HECTD4: variants seen among roughly 807,000 people sequenced by gnomAD.
HECTD4 encodes HECT domain E3 ubiquitin protein ligase 4.
HECTD4 carries 114 observed loss-of-function variants against 471.5 expected under a neutral mutation model. That is an observed-to-expected ratio of 0.24 (90% confidence interval 0.21 to 0.28). HECTD4 has a LOEUF of 0.28. Ranked by LOEUF, HECTD4 falls within the 10% of genes least tolerant of loss-of-function variation. HECTD4 has a pLI of 1.00. For missense variants in HECTD4, 3,866 were observed against 5,651.5 expected, an observed-to-expected ratio of 0.68 and a Z score of 10.13; for synonymous variants, 2,012 against 2,256.0, an observed-to-expected ratio of 0.89 and a Z score of 3.07.
At position 112,252,482 on chromosome 12, in the gene HECTD4, C is replaced by T. The variant is rs2135590941; in HGVS notation, c.3494G>A (p.Arg1165His). The T allele has an allele frequency of 1.2e-6, 2 of 1,612,956 alleles. No individual in the cohort carries two copies. The highest frequency in any genetic ancestry group is 1.7e-6 in the Non-Finnish European group (2 of 1,179,448). The change falls in exon 23 of 76, where the codon CGT becomes CAT. Residue 1165 changes from arginine to histidine, a missense_variant. Physicochemically the swap from Arg to His is conservative, Grantham distance 29. Transcript: ENST00000682272. ...VTFSFEMRSG[R>H]EHNTPDKAMW... Reference sequence around the variant, plus strand: ...GGCTTTATCAGGAGTGTTGTGTTCACGGCCACTTCTCATTTCAAAGGAGAA... The same window carrying T: ...GGCTTTATCAGGAGTGTTGTGTTCATGGCCACTTCTCATTTCAAAGGAGAA...
In HECTD4 at chr12:112,170,416, T is replaced by G. The variant is rs2031166631; in HGVS notation, c.11969A>C (p.Asn3990Thr). 1 of 1,613,782 alleles carries G rather than the reference T, an allele frequency of 6.2e-7. No homozygotes were observed. Among genetic ancestry groups the G allele is most frequent in the Admixed American group, 1.7e-5 (1 of 59,996 alleles). ...CTGCACAGTGGCATTCAGCACTCGA[T>G]TCATCACGGTCACCTTCGTGTCATA... ...IFYDTKVTVM[N>T]RVLNATVQRT... Residue 3990 changes from asparagine (N) to threonine (T), a missense_variant, in exon 69 of 76, where the codon AAT becomes ACT. Coordinates refer to ENST00000682272, the MANE Select transcript of HECTD4 (RefSeq NM_001388303.1).
Position 112,164,637 on chromosome 12 carries a change from T to C in HECTD4, c.12535-362A>G, listed in dbSNP as rs78614777. Among the ~76,000 whole-genome samples, 3 of 151,894 alleles carry C rather than the reference T, an allele frequency of 2.0e-5. 1 individual carries two copies. The highest frequency in any genetic ancestry group is 4.4e-5 in the Non-Finnish European group (3 of 67,950). On this transcript the variant is annotated intron_variant, in intron 72 of 75. Coordinates refer to ENST00000682272, the MANE Select transcript of HECTD4 (RefSeq NM_001388303.1). ...AATTATGCTTGCTTTTTTTTTTTTT[T>C]GAGACGGAGTTTTGCTCTTGTTGCC...
intron 35 of HECTD4, among the ~76,000 whole-genome samples, chr12:112,236,629 C>T (rs185793738): frequency 2.6e-5 from 4 of 152,062 alleles, no homozygotes; most frequent in African/African-American, 7.2e-5. Context: ...AATCTTGCTA[C>T]AATGAGGGTA....
At chr12:112,304,565 A>T (rs569925678) in intron 7 of HECTD4, among the ~76,000 whole-genome samples, 1 of 152,018 alleles carries the variant, frequency 6.6e-6, no homozygotes, top group Admixed American at 6.6e-5. Context: ...GGCTCAAGAG[A>T]TCCTCCCATC....
In HECTD4 at chr12:112,184,868, G is replaced by A; in HGVS notation, c.10098C>T (p.His3366=). The change falls in exon 61 of 76, where the codon CAC becomes CAT. Residue 3366 remains histidine (H), a synonymous_variant. Transcript: ENST00000682272. This position sits in a 1 kb window ranked among gnomAD's most constrained non-coding sequence, Gnocchi z 9.1. ...GCCCCTGTGGGTCCTTCCTGGTGAG[G>A]TGGCGGAGGATGATGAGCAGGGTGA... ...RALTLLIILR[H]LTRKDPQGLG... is the part of the protein sequence containing the mutation. The A allele has an allele frequency of 1.9e-6, 3 of 1,608,358 alleles. No individual in the cohort carries two copies.
In HECTD4 at chr12:112,319,544, G is replaced by A; in HGVS notation, c.376C>T (p.Leu126=). 6.9e-7 allele frequency: 1 copy of A among 1,442,832 alleles called. No individual in the cohort carries two copies. Among genetic ancestry groups the A allele is most frequent in the Non-Finnish European group, 9.1e-7 (1 of 1,104,022 alleles). The allele number at this position is 1,442,832 out of a possible 1,614,324, so 89.4% of individuals were successfully genotyped here. A position where few individuals can be genotyped will look rare whatever the true frequency, so the allele number is the denominator to read the frequency against. ...TGCAACAAGCCCTGGCGTTTGAGCA[G>A]GGCCAAAGTTTCCTCATCACCTGAA... ...ESSGDEETLA[L]LKRQGLLQQP... The change falls in exon 2 of 76, where the codon CTG becomes TTG. Residue 126 remains leucine (L), a synonymous_variant. Transcript: ENST00000682272. The surrounding 1 kb of genome is among the most constrained non-coding windows in gnomAD (Gnocchi z 5.3).
intron 22 of HECTD4, 115 bp from the exon 23 acceptor site, chr12:112,252,643 C>CT: frequency 8.4e-7 from 1 of 1,196,986 alleles, no homozygotes; most frequent in Non-Finnish European, 1.2e-6. Flanking sequence ...TATTTCACTC[C>CT]TTTTCTCATT....
chr12:112,382,355 G>GCCA lies in HECTD4; in HGVS notation c.-228_-227insTGG. On this transcript the variant is annotated 5_prime_UTR_variant, in exon 1 of 76. Coordinates refer to ENST00000682272, the MANE Select transcript of HECTD4 (RefSeq NM_001388303.1). ...CGCCGCCGCCGCCGCCGCCGCCGCCGCCGCCCTCAGGAGCAGGATCCGCCT... is the reference window on the plus strand; with the variant it reads ...CGCCGCCGCCGCCGCCGCCGCCGCCGCCACCGCCCTCAGGAGCAGGATCCGCCT... 2.5e-6 allele frequency: 1 copy of GCCA among 397,504 alleles called. No homozygotes were observed. Among genetic ancestry groups the GCCA allele is most frequent in the Non-Finnish European group, 4.3e-6 (1 of 232,232 alleles). 24.6% of individuals were successfully genotyped at this position (397,504 alleles called of 1,614,324 possible). A position where few individuals can be genotyped will look rare whatever the true frequency, so the allele number is the denominator to read the frequency against.
At chr12:112,273,390 C>A (rs376277819) in intron 11 of HECTD4, among the ~76,000 whole-genome samples, 1 of 152,106 alleles carries the variant, frequency 6.6e-6, no homozygotes, top group African/African-American at 2.4e-5. Context: ...AAAGTTCCAA[C>A]AATTTCAGGA....
Position 112,166,671 on chromosome 12 carries a change from T to A in HECTD4, c.12534+646A>T, listed in dbSNP as rs1247550382. Reference sequence around the variant, plus strand: ...GAGCCTCACTTTCCTCCTGGCCTTGTGATGATGGAATAAAGCCCTCCGCCC... The same window carrying A: ...GAGCCTCACTTTCCTCCTGGCCTTGAGATGATGGAATAAAGCCCTCCGCCC... On this transcript the variant is annotated intron_variant, in intron 72 of 75. Coordinates refer to ENST00000682272, the MANE Select transcript of HECTD4 (RefSeq NM_001388303.1). The surrounding 1 kb of genome is among the most constrained non-coding windows in gnomAD (Gnocchi z 4.6). 1.3e-5 allele frequency: 2 copies of A among 152,322 alleles called. No homozygotes were observed. The highest frequency in any genetic ancestry group is 2.9e-5 in the Non-Finnish European group (2 of 68,186). 9.4% of individuals were successfully genotyped at this position (152,322 alleles called of 1,614,324 possible).
Position 112,221,337 on chromosome 12 carries a change from T to G in HECTD4, c.6971-1848A>C, listed in dbSNP as rs560370658. 4.3e-4 allele frequency among the ~76,000 whole-genome samples: 66 copies of G among 152,200 alleles called. 1 individual carries two copies. The South Asian group carries it at 0.012, about 29-fold the overall frequency. On this transcript the variant is annotated intron_variant, in intron 44 of 75. Transcript: ENST00000682272. ...AATCACAGCTCACTGCAGCCCTGAC[T>G]TCCTGGACTCAGGTGATCTTCCCAC... is the stretch of plus-strand genomic sequence containing the variant.
At chr12:112,183,898 C>T (rs546798090) in intron 61 of HECTD4, among the ~76,000 whole-genome samples, 3 of 152,360 alleles carry the variant, frequency 2.0e-5, no homozygotes, top group Non-Finnish European at 2.9e-5. Context: ...GAACCCAAGG[C>T]CATTCAAGAT....
chr12:112,283,125 T>G lies in HECTD4; in HGVS notation c.1513A>C (p.Lys505Gln). The change falls in exon 8 of 76, where the codon AAA (lysine) becomes CAA (glutamine). Residue 505 changes from lysine to glutamine, a missense_variant. Lys to Gln is a moderately conservative substitution (Grantham distance 53). Around this residue, in one of 16 missense-constraint regions of HECTD4, gnomAD observed 440 missense variants for 636.0 expected, o/e 0.69. Coordinates refer to ENST00000682272, the MANE Select transcript of HECTD4 (RefSeq NM_001388303.1). ...LTGSTISNTL[K>Q]EDQAANTSCG... ...AGTAACATACCTGCTTGATCCTCTT[T>G]CAGTGTGTTGGAGATGGTGGAACCA... 1 of 1,612,978 alleles carries G rather than the reference T, an allele frequency of 6.2e-7. No individual in the cohort carries two copies. The highest frequency in any genetic ancestry group is 8.5e-7 in the Non-Finnish European group (1 of 1,179,438).
rs779737761 is a variant in HECTD4, at chr12:112,243,394, A to G, written c.4917T>C (p.His1639=). Residue 1639 remains histidine (H), a synonymous_variant, in exon 32 of 76, where the codon CAT becomes CAC. Coordinates refer to ENST00000682272, the MANE Select transcript of HECTD4 (RefSeq NM_001388303.1). This position sits in a 1 kb window ranked among gnomAD's most constrained non-coding sequence, Gnocchi z 6.6. ...GGACCATCGTCACTGGACCCACAAG[A>G]TGCGTCACTCCCCCGACTCGTACGG... The part of the protein sequence containing the change: ...TAAVRVGGVT[H]LVGPVTMVLQ... 1.4e-5 allele frequency: 23 copies of G among 1,612,626 alleles called. No individual in the cohort carries two copies. Among genetic ancestry groups the G allele is most frequent in the Non-Finnish European group, 2.0e-5 (23 of 1,179,344 alleles).
chr12:112,266,854 T>G, intron 14 of HECTD4, 58 bp downstream of exon 14: 1 of 856,936 alleles, frequency 1.2e-6, no homozygotes, highest in South Asian at 1.5e-5. Context: ...TATGCAGTTG[T>G]TTCCTTGGGG....
At chr12:112,252,726 G>A (rs1220680026) in intron 22 of HECTD4, among the ~76,000 whole-genome samples, 198 bp from the exon 23 acceptor site, 1 of 152,024 alleles carries the variant, frequency 6.6e-6, no homozygotes, top group African/African-American at 2.4e-5. Context: ...TGATGAGGTC[G>A]CCTTTGGGAT....
rs1345959170 is a variant in HECTD4 at position 112,203,747 on chromosome 12, T to C, written c.8295A>G (p.Pro2765=). The C allele has an allele frequency of 1.9e-6, 3 of 1,612,038 alleles. No individual in the cohort carries two copies. In the African/African-American group the frequency reaches 4.0e-5, roughly 22 times the overall value. ...RKGLTVVTRS[P]DSNNVASSAV... ...CACTGCTGGCTACATTATTGCTGTC[T>C]GGAGAGCGGGTTACTACTGTGAGAC... The change falls in exon 54 of 76, where the codon CCA becomes CCG. Residue 2765 remains proline (P), a synonymous_variant. Transcript: ENST00000682272.
intron 45 of HECTD4, among the ~76,000 whole-genome samples, chr12:112,218,613 C>T (rs932759800): frequency 2.0e-5 from 3 of 152,166 alleles, no homozygotes; most frequent in African/African-American, 7.2e-5. Flanking sequence ...AATGATATTC[C>T]ATTACATGGC....
intron 17 of HECTD4, among the ~76,000 whole-genome samples, chr12:112,263,793 CAT>C (rs1256484524): frequency 6.6e-6 from 1 of 151,526 alleles, no homozygotes; most frequent in Non-Finnish European, 1.5e-5. Flanking sequence ...TTCAGGTACA[CAT>C]GAGATCACTT....
Sources: gnomAD v4.1 joint callset for allele counts (sites outside exome capture counted in the v4.1 genomes callset) on GRCh38, gnomAD v4.1.1 for gene constraint, gnomAD v4.1.1 regional missense constraint, Gnocchi (gnomAD v3.1) non-coding constraint, MANE v1.5 for transcripts, NCBI Gene and HGNC (gene_info 2026-07-23, HGNC 2026-07-21) for gene names.